ZFHX2: variants seen among roughly 807,000 people sequenced by gnomAD.
ZFHX2 encodes zinc finger homeobox protein 2.
In ZFHX2, 75 loss-of-function variants were observed where a neutral mutation model predicts 164.8. That is an observed-to-expected ratio of 0.46 (90% CI 0.38 to 0.55). The LOEUF is 0.55. Ranked by LOEUF, ZFHX2 falls within the 20% of genes least tolerant of loss-of-function variation. The pLI, the probability that ZFHX2 is intolerant of heterozygous loss-of-function variation, is 0.00. For synonymous variants in ZFHX2, 1,217 were observed against 1,351.4 expected (o/e 0.90, Z 2.18); for missense variants, 2,933 against 3,308.0 (o/e 0.89, Z 2.78).
At chr14:23,527,901 CTTTTTTTTTTTTTT>C (rs745574496) in intron 6 of ZFHX2, 97 bp from the exon 7 acceptor site, 1 of 448,794 alleles carries the variant, frequency 2.2e-6, no homozygotes, top group African/African-American at 2.8e-5. Context: ...GCCCCCACTC[CTTTTTTTTTTTTTT>C]TTTTTTTTTT....
rs775503207 is a variant in ZFHX2 at position 23,524,579 on chromosome 14, C to T, written c.5363G>A (p.Arg1788His). 9.7e-5 allele frequency: 149 copies of T among 1,534,638 alleles called. 1 individual carries two copies. The highest frequency in any genetic ancestry group is 6.7e-4 in the South Asian group (56 of 83,658). Residue 1788 changes from arginine to histidine, a missense_variant, in exon 9 of 10, where the codon CGC becomes CAC. Arg to His is a conservative substitution (Grantham distance 29, BLOSUM62 0). Transcript: ENST00000419474. This position sits in a 1 kb window ranked among gnomAD's most constrained non-coding sequence, Gnocchi z 5.6. ...FSSQDLLTSH[R>H]RLHFLPSLQP... ...CAGAGATGGCAGGAAATGTAGTCGG[C>T]GGTGACTGGTCAGGAGGTCCTGGCT... is the stretch of plus-strand genomic sequence containing the variant.
In ZFHX2 at chr14:23,534,881, T is replaced by C; in HGVS notation, c.445A>G (p.Ile149Val). Reference sequence around the variant, plus strand: ...AAGGGCAGACTGGGCTCTTCCTTGATGCCCGCCTCACCCCAGGGGAAGCCC... The same window carrying C: ...AAGGGCAGACTGGGCTCTTCCTTGACGCCCGCCTCACCCCAGGGGAAGCCC... ...PKGFPWGEAG[I>V]KEEPSLPFLA... The change falls in exon 2 of 10, where the codon ATC (isoleucine) becomes GTC (valine). Residue 149 changes from isoleucine (I) to valine (V), a missense_variant. Transcript: ENST00000419474. The surrounding 1 kb of genome is among the most constrained non-coding windows in gnomAD (Gnocchi z 4.5). The C allele has an allele frequency of 1.3e-6, 2 of 1,536,100 alleles. No individual in the cohort carries two copies. The highest frequency in any genetic ancestry group is 1.2e-5 in the South Asian group (1 of 84,066).
At position 23,523,532 on chromosome 14, in the gene ZFHX2, C is replaced by T. The variant is rs1294974782; in HGVS notation, c.6410G>A (p.Ser2137Asn). 2.6e-6 allele frequency: 4 copies of T among 1,536,648 alleles called. No homozygotes were observed. Among genetic ancestry groups the T allele is most frequent in the Non-Finnish European group, 3.5e-6 (4 of 1,146,932 alleles). Residue 2137 changes from serine (S) to asparagine (N), a missense_variant, in exon 9 of 10, where the codon AGT (serine) becomes AAT (asparagine). Ser to Asn is a conservative substitution (Grantham distance 46, BLOSUM62 1). Transcript: ENST00000419474. This position sits in a 1 kb window ranked among gnomAD's most constrained non-coding sequence, Gnocchi z 4.1. ...GTAAGSTGGS[S>N]EGLLAAQRTD... ...GCGCTGGGCTGCTAAGAGGCCCTCA[C>T]TGCTGCCCCCAGTGCTCCCAGCGGC...
upstream of ZFHX2, among the ~76,000 whole-genome samples, chr14:23,555,194 TC>T (rs1360149158): frequency 6.6e-6 from 1 of 152,038 alleles, no homozygotes; most frequent in Non-Finnish European, 1.5e-5. Flanking sequence ...CGGGGGGGTT[TC>T]TCCATGTTGG....
chr14:23,530,231 G>A (rs1365886162), intron 4 of ZFHX2, 37 bp from the exon 5 acceptor site: 2 of 1,446,634 alleles, frequency 1.4e-6, no homozygotes, highest in South Asian at 2.4e-5. Context: ...TTAAAGAGGT[G>A]TGGCATCAGG....
chr14:23,538,684 C>T (rs190106603), intron 1 of ZFHX2, among the ~76,000 whole-genome samples: 2 of 152,098 alleles, frequency 1.3e-5, no homozygotes, highest in Non-Finnish European at 2.9e-5. Context: ...CAAGGCGACC[C>T]CTGAAAGGCC....
At chr14:23,553,880 C>T (rs373390067), upstream of ZFHX2, among the ~76,000 whole-genome samples, 17 of 151,758 alleles carry the variant, frequency 1.1e-4, no homozygotes, top group East Asian at 7.8e-4. Flanking sequence ...GGCGACAAAG[C>T]GAGACTCCGT....
Position 23,531,628 on chromosome 14 carries a change from C to G in ZFHX2, c.2653G>C (p.Val885Leu), listed in dbSNP as rs1454644871. The G allele has an allele frequency of 6.6e-7, 1 of 1,522,516 alleles. No homozygotes were observed. Among genetic ancestry groups the G allele is most frequent in the Admixed American group, 2.0e-5 (1 of 50,062 alleles). 94.3% of individuals were successfully genotyped at this position (1,522,516 alleles called of 1,614,324 possible). ...GCAGGTGTGCGCAGGTGTTGCAGCACAGCCAAGCGGGAGGGTGTCTCCCAC... is the reference window on the plus strand; with the variant it reads ...GCAGGTGTGCGCAGGTGTTGCAGCAGAGCCAAGCGGGAGGGTGTCTCCCAC... Reference protein sequence around the residue: ...CAWETPSRLAVLQHLRTPAHR... With the variant: ...CAWETPSRLALLQHLRTPAHR... Residue 885 changes from valine (V) to leucine (L), a missense_variant, in exon 4 of 10, where the codon GTG becomes CTG. Coordinates refer to ENST00000419474, the MANE Select transcript of ZFHX2 (RefSeq NM_033400.3).
At position 23,522,247 on chromosome 14, in the gene ZFHX2, C is replaced by A; in HGVS notation, c.7434G>T (p.Arg2478=). 8 of 1,479,946 alleles carry A rather than the reference C, an allele frequency of 5.4e-6. No individual in the cohort carries two copies. The highest frequency in any genetic ancestry group is 7.2e-6 in the Non-Finnish European group (8 of 1,117,152). 91.7% of individuals were successfully genotyped at this position (1,479,946 alleles called of 1,614,324 possible). ...AHQRSFCFFG[R]GSGGSMPPPL... is the part of the protein sequence containing the mutation. ...GGGGTGGCATGGAGCCCCCAGAGCCCCGCCCAAAGAAGCAGAAGGATCTCT... is the reference window on the plus strand; with the variant it reads ...GGGGTGGCATGGAGCCCCCAGAGCCACGCCCAAAGAAGCAGAAGGATCTCT... The change falls in exon 10 of 10, where the codon CGG becomes CGT. Residue 2478 remains arginine, a synonymous_variant. Transcript: ENST00000419474.
chr14:23,530,380 C>T, intron 4 of ZFHX2, 186 bp from the exon 5 acceptor site: 2 of 699,300 alleles, frequency 2.9e-6, no homozygotes, highest in East Asian at 2.7e-5. Context: ...GGGAAAATTA[C>T]AGTATTAGAA....
Position 23,533,178 on chromosome 14 carries a change from C to A in ZFHX2, c.2042-94G>T. ...GTGGGTTAATGAGTAGGATAGTGCT[C>A]AGAGGGACTTATGGTTACCTAAGTG... On this transcript the variant is annotated intron_variant, in intron 2 of 9. Coordinates refer to ENST00000419474, the MANE Select transcript of ZFHX2 (RefSeq NM_033400.3). This position sits in a 1 kb window ranked among gnomAD's most constrained non-coding sequence, Gnocchi z 4.8. The A allele has an allele frequency of 6.9e-7, 1 of 1,441,186 alleles. No homozygotes were observed. Among genetic ancestry groups the A allele is most frequent in the South Asian group, 1.5e-5 (1 of 68,444 alleles). 89.3% of individuals were successfully genotyped at this position (1,441,186 alleles called of 1,614,324 possible). A position where few individuals can be genotyped will look rare whatever the true frequency, so the allele number is the denominator to read the frequency against.
chr14:23,531,408 C>T (rs555297487), intron 4 of ZFHX2, 73 bp downstream of exon 4: 69 of 1,337,466 alleles, frequency 5.2e-5, no homozygotes, highest in Middle Eastern at 2.0e-4. Context: ...TCTCTAACTC[C>T]GCAGCCCCCC....
At chr14:23,538,582 T>A (rs1254275683) in intron 1 of ZFHX2, among the ~76,000 whole-genome samples, 1 of 152,048 alleles carries the variant, frequency 6.6e-6, no homozygotes, top group African/African-American at 2.4e-5. Flanking sequence ...TTGCTCATCC[T>A]CAGACCCATC....
At position 23,533,280 on chromosome 14, in the gene ZFHX2, C is replaced by T; in HGVS notation, c.2041+5G>A. 7.0e-7 allele frequency: 1 copy of T among 1,436,440 alleles called. No individual in the cohort carries two copies. Among genetic ancestry groups the T allele is most frequent in the Non-Finnish European group, 9.1e-7 (1 of 1,099,422 alleles). The allele number at this position is 1,436,440 out of a possible 1,614,324, so 89.0% of individuals were successfully genotyped here. A position where few individuals can be genotyped will look rare whatever the true frequency, so the allele number is the denominator to read the frequency against. On this transcript the variant is annotated splice_donor_5th_base_variant and intron_variant, in intron 2 of 9. Transcript: ENST00000419474. The surrounding 1 kb of genome is among the most constrained non-coding windows in gnomAD (Gnocchi z 4.8). The stretch of plus-strand genomic sequence containing the variant: ...AGAGAAGAGGGAAGAAGCACAGAAG[C>T]TTACCGGATGTGGGGAACTTGCGGG...
chr14:23,553,257 A>G (rs1882104680), upstream of ZFHX2, among the ~76,000 whole-genome samples: 1 of 152,196 alleles, frequency 6.6e-6, no homozygotes, highest in Non-Finnish European at 1.5e-5. Context: ...ACAGTTTATG[A>G]CTGAATCCTC....
Position 23,533,947 on chromosome 14 carries a change from C to A in ZFHX2, c.1379G>T (p.Trp460Leu). 7.2e-6 allele frequency: 11 copies of A among 1,538,020 alleles called. No homozygotes were observed. Among genetic ancestry groups the A allele is most frequent in the Non-Finnish European group, 9.6e-6 (11 of 1,147,070 alleles). ...CAGGGTCTGCTGGTACTTGTAGTGC[C>A]AGTTGCACTTGGGACACTTGAGTGT... Reference protein sequence around the residue: ...CKTLKCPKCNWHYKYQQTLDV... With the variant: ...CKTLKCPKCNLHYKYQQTLDV... Residue 460 changes from tryptophan to leucine, a missense_variant, in exon 2 of 10, where the codon TGG (tryptophan) becomes TTG (leucine). Transcript: ENST00000419474. This position sits in a 1 kb window ranked among gnomAD's most constrained non-coding sequence, Gnocchi z 4.8.
At position 23,546,119 on chromosome 14, in the gene ZFHX2, GCA is replaced by G. The variant is rs944296893; in HGVS notation, c.-50+5222_-50+5223del. Reference sequence around the variant, plus strand: ...ACACCCATTCTGCCCCACTGACTTTGCACATCAACGTGCTCCACAGGACCAGA... The same window carrying G: ...ACACCCATTCTGCCCCACTGACTTTGCATCAACGTGCTCCACAGGACCAGA... On this transcript the variant is annotated intron_variant, in intron 1 of 9. Coordinates refer to ENST00000419474, the MANE Select transcript of ZFHX2 (RefSeq NM_033400.3). This position sits in a 1 kb window ranked among gnomAD's most constrained non-coding sequence, Gnocchi z 4.7. Among the ~76,000 whole-genome samples the G allele has an allele frequency of 1.7e-4, 26 of 152,320 alleles. No individual in the cohort carries two copies. The highest frequency in any genetic ancestry group is 6.0e-4 in the African/African-American group (25 of 41,572).
Position 23,525,693 on chromosome 14 carries a change from T to C in ZFHX2, c.4249A>G (p.Lys1417Glu). The C allele has an allele frequency of 1.3e-6, 2 of 1,529,152 alleles. No homozygotes were observed. The highest frequency in any genetic ancestry group is 1.8e-6 in the Non-Finnish European group (2 of 1,142,636). The allele number at this position is 1,529,152 out of a possible 1,614,324, so 94.7% of individuals were successfully genotyped here. Residue 1417 changes from lysine to glutamate, a missense_variant, in exon 9 of 10, where the codon AAA (lysine) becomes GAA (glutamate). By Grantham distance (56) the Lys-to-Glu change is moderately conservative. Coordinates refer to ENST00000419474, the MANE Select transcript of ZFHX2 (RefSeq NM_033400.3). The surrounding 1 kb of genome is among the most constrained non-coding windows in gnomAD (Gnocchi z 5.9). ...EREWERPPMA[K>E]EGNEAGPSSP... ...GAAGGCCCTGCCTCATTACCCTCTT[T>C]GGCCATGGGGGGCCGCTCCCACTCC...
Position 23,527,807 on chromosome 14 carries a change from G to A in ZFHX2, c.2935-3C>T, listed in dbSNP as rs1436293793. 1.2e-5 allele frequency: 19 copies of A among 1,535,462 alleles called. No individual in the cohort carries two copies. Among genetic ancestry groups the A allele is most frequent in the Non-Finnish European group, 1.5e-5 (17 of 1,146,796 alleles). On this transcript the variant is annotated splice_region_variant and splice_polypyrimidine_tract_variant and intron_variant, in intron 6 of 9. Transcript: ENST00000419474. Reference sequence around the variant, plus strand: ...CTGCAGTATGGACAGCAGTATACCTGGAGGGAACATATGGGCAGTGGACGA... The same window carrying A: ...CTGCAGTATGGACAGCAGTATACCTAGAGGGAACATATGGGCAGTGGACGA...
Sources: gnomAD v4.1 joint callset for allele counts (sites outside exome capture counted in the v4.1 genomes callset) on GRCh38, gnomAD v4.1.1 for gene constraint, Gnocchi (gnomAD v3.1) non-coding constraint, MANE v1.5 for transcripts, NCBI Gene and HGNC (gene_info 2026-07-23, HGNC 2026-07-21) for gene names.